Variants in KDM4B observed in about 807,000 individuals in gnomAD.
KDM4B encodes the protein lysine demethylase 4B.
A neutral mutation model predicts 125.2 loss-of-function variants in KDM4B; 32 were observed. The ratio of observed to expected loss-of-function variants is 0.26; its 90% CI spans 0.19 to 0.34. The LOEUF is 0.34. Among genes scored for constraint, KDM4B ranks in the 10% least tolerant of loss-of-function variants. The pLI is 1.00. For synonymous variants in KDM4B, 721 were observed against 677.9 expected (o/e 1.06, Z -0.99); for missense variants, 1,190 against 1,577.7 (o/e 0.75, Z 4.16).
chr19:5,054,107 T>A (rs1021043727), intron 6 of KDM4B, among the ~76,000 whole-genome samples: 25 of 152,208 alleles, frequency 1.6e-4, no homozygotes, highest in Admixed American at 1.6e-3. Flanking sequence ...TTATTTTAGA[T>A]GAAGTCTTGC....
chr19:5,012,372 G>A (rs1299569838), intron 1 of KDM4B, among the ~76,000 whole-genome samples: 1 of 152,212 alleles, frequency 6.6e-6, no homozygotes, highest in East Asian at 1.9e-4. Flanking sequence ...TTAACACGTT[G>A]TTAATGACAC....
At chr19:4,980,380 A>G (rs919413120) in intron 1 of KDM4B, among the ~76,000 whole-genome samples, 2 of 145,718 alleles carry the variant, frequency 1.4e-5, no homozygotes, top group Non-Finnish European at 3.0e-5. Flanking sequence ...CTCAAGGTGT[A>G]TCCACGCATG....
At chr19:5,046,499 G>T (rs746490002) in intron 5 of KDM4B, among the ~76,000 whole-genome samples, 17 of 152,184 alleles carry the variant, frequency 1.1e-4, no homozygotes, top group Non-Finnish European at 2.5e-4. Context: ...AACAGCTGGT[G>T]GGGGGTGGAT....
At chr19:5,059,584 A>C (rs1463357907) in intron 6 of KDM4B, among the ~76,000 whole-genome samples, 12 of 152,290 alleles carry the variant, frequency 7.9e-5, no homozygotes, top group African/African-American at 2.9e-4. Flanking sequence ...TAGGAACAGG[A>C]GCGCGTAGCC....
At chr19:5,060,975 G>A (rs967640147) in intron 6 of KDM4B, among the ~76,000 whole-genome samples, 2 of 152,244 alleles carry the variant, frequency 1.3e-5, no homozygotes, top group Non-Finnish European at 1.5e-5. Flanking sequence ...AATTGCAGGC[G>A]TGACATGGCT....
chr19:5,134,544 C>A (rs1483374693), intron 14 of KDM4B, among the ~76,000 whole-genome samples: 1 of 152,206 alleles, frequency 6.6e-6, no homozygotes, highest in Non-Finnish European at 1.5e-5. Flanking sequence ...CTGGCCTCTG[C>A]CCACGGCCAT....
At chr19:5,150,130 G>A (rs945630865) in intron 21 of KDM4B, among the ~76,000 whole-genome samples, 7 of 152,244 alleles carry the variant, frequency 4.6e-5, no homozygotes, top group African/African-American at 7.2e-5. Flanking sequence ...GCCCCAGGCT[G>A]TCCCGTCCTC....
At chr19:5,090,605 T>TCCCCCTCTCGCCCC (rs2038677856) in intron 9 of KDM4B, among the ~76,000 whole-genome samples, 1 of 74,828 alleles carries the variant, frequency 1.3e-5, no homozygotes, top group African/African-American at 5.7e-5. Flanking sequence ...TCTCTTTCTC[T>TCCCCCTCTCGCCCC]CTCTCTCTCT....
At position 5,144,660 on chromosome 19, in the gene KDM4B, G is replaced by A. The variant is rs372177760; in HGVS notation, c.2902-123G>A. The stretch of plus-strand genomic sequence containing the variant: ...CACCGCCCCGCTACCCCGGGCCCCC[G>A]CAGCCAGCTTTGGGGCTTCAGGCAG... On this transcript the variant is annotated intron_variant, in intron 20 of 22. Transcript: ENST00000159111. 10 of 1,410,864 alleles carry A rather than the reference G, an allele frequency of 7.1e-6. No homozygotes were observed. In the East Asian group the frequency reaches 9.2e-5, roughly 13 times the overall value. 87.4% of individuals were successfully genotyped at this position (1,410,864 alleles called of 1,614,324 possible).
At chr19:5,123,857 G>A (rs1030900270) in intron 11 of KDM4B, among the ~76,000 whole-genome samples, 4 of 152,188 alleles carry the variant, frequency 2.6e-5, no homozygotes, top group African/African-American at 9.7e-5. Context: ...CCCAGGCGAG[G>A]TCGGCAGGGG....
intron 11 of KDM4B, among the ~76,000 whole-genome samples, chr19:5,129,055 G>A (rs978310456): frequency 1.1e-4 from 17 of 152,190 alleles, no homozygotes; most frequent in Non-Finnish European, 2.4e-4. Flanking sequence ...GGGCAGTGGC[G>A]GGGGCTGCCT....
Position 5,131,875 on chromosome 19 carries a change from T to G in KDM4B, c.1786-12T>G. 6.2e-7 allele frequency: 1 copy of G among 1,612,650 alleles called. No homozygotes were observed. Among genetic ancestry groups the G allele is most frequent in the Non-Finnish European group, 8.5e-7 (1 of 1,179,798 alleles). ...TAGCGGGGCCCTCACTACAGCCTGT[T>G]GTGTGTTTCAGGCACCGTCCACATT... On this transcript the variant is annotated splice_polypyrimidine_tract_variant and intron_variant, in intron 12 of 22. Transcript: ENST00000159111.
At chr19:5,021,591 C>A (rs867943026) in intron 2 of KDM4B, among the ~76,000 whole-genome samples, 21 of 150,436 alleles carry the variant, frequency 1.4e-4, no homozygotes, top group South Asian at 2.1e-4. Context: ...AAATAAAAAA[C>A]AAACACTGAA....
chr19:5,029,627 T>A (rs2036388383), intron 2 of KDM4B, among the ~76,000 whole-genome samples: 1 of 152,090 alleles, frequency 6.6e-6, no homozygotes, highest in Non-Finnish European at 1.5e-5. Context: ...AGGCGTTTAT[T>A]AGCAGCCAGG....
chr19:5,098,198 G>T (rs1327253457), intron 9 of KDM4B, among the ~76,000 whole-genome samples: 1 of 152,160 alleles, frequency 6.6e-6, no homozygotes, highest in African/African-American at 2.4e-5. Context: ...ATTAACAGCA[G>T]GGGGGACTCG....
intron 9 of KDM4B, among the ~76,000 whole-genome samples, chr19:5,096,496 C>G (rs1264029560): frequency 6.6e-6 from 1 of 152,192 alleles, no homozygotes; most frequent in African/African-American, 2.4e-5. Flanking sequence ...TGGGCAACCC[C>G]TGGGGTTCCT....
At chr19:5,031,573 C>T (rs757479218) in intron 2 of KDM4B, among the ~76,000 whole-genome samples, 1 of 152,190 alleles carries the variant, frequency 6.6e-6, no homozygotes, top group Non-Finnish European at 1.5e-5. Context: ...AGCAGCCCAG[C>T]GCGGGGTGTG....
At chr19:5,039,456 A>C (rs1381748142) in intron 3 of KDM4B, among the ~76,000 whole-genome samples, 4 of 152,056 alleles carry the variant, frequency 2.6e-5, no homozygotes, top group African/African-American at 9.7e-5. Flanking sequence ...CTGTCTCAAC[A>C]ACAACAACAA....
chr19:5,057,686 G>T (rs543202964), intron 6 of KDM4B, among the ~76,000 whole-genome samples: 1 of 152,288 alleles, frequency 6.6e-6, no homozygotes, highest in East Asian at 1.9e-4. Flanking sequence ...CGTCCGATCT[G>T]CCCTTGAAGC....
Sources: allele counts gnomAD v4.1 joint callset (sites outside exome capture counted in the v4.1 genomes callset), GRCh38; gene constraint gnomAD v4.1.1; transcripts MANE v1.5; gene names NCBI Gene and HGNC (gene_info 2026-07-23, HGNC 2026-07-21).